The following CASTOR2 variants were observed in gnomAD, a reference collection of about 807,000 sequenced individuals.
CASTOR2 encodes cytosolic arginine sensor for mTORC1 subunit 2.
In CASTOR2, 8 loss-of-function variants were observed where a neutral mutation model predicts 31.2. The ratio of observed to expected loss-of-function variants is 0.26; its 90% CI spans 0.15 to 0.46. CASTOR2 has a LOEUF of 0.46. Ranked by LOEUF, CASTOR2 falls within the 20% of genes least tolerant of loss-of-function variation. CASTOR2 has a pLI of 0.99. For missense variants in CASTOR2, 216 were observed against 382.1 expected (o/e 0.57, Z 3.62); for synonymous variants, 162 against 158.7 (o/e 1.02, Z -0.16).
At chr7:74,978,174 G>A (rs1803869935) in intron 1 of CASTOR2, among the ~76,000 whole-genome samples, 1 of 149,250 alleles carries the variant, frequency 6.7e-6, no homozygotes, top group South Asian at 2.1e-4. Flanking sequence ...TGCGATCTTG[G>A]CTCATTGCAA....
In CASTOR2 at chr7:75,024,927, C is replaced by A; in HGVS notation, c.*228C>A. 1 of 1,027,970 alleles carries A rather than the reference C, an allele frequency of 9.7e-7. No homozygotes were observed. Among genetic ancestry groups the A allele is most frequent in the Non-Finnish European group, 1.4e-6 (1 of 708,424 alleles). The allele number at this position is 1,027,970 out of a possible 1,614,324, so 63.7% of individuals were successfully genotyped here. ...GCCCCCCGACCCTCCAGAGAACGAC[C>A]TTTCTCTTCCCTACCTCCCCCACCC... On this transcript the variant is annotated 3_prime_UTR_variant, in exon 9 of 9. Transcript: ENST00000616305.
chr7:75,021,906 C>T lies in CASTOR2; in HGVS notation c.779C>T (p.Ser260Phe). 1 of 1,551,866 alleles carries T rather than the reference C, an allele frequency of 6.4e-7. No homozygotes were observed. The highest frequency in any genetic ancestry group is 2.0e-5 in the Admixed American group (1 of 51,006). The change falls in exon 7 of 9, where the codon TCC becomes TTC. Residue 260 changes from serine to phenylalanine, a missense_variant. This residue lies in a region of CASTOR2 where 22 missense variants were observed against 66.4 expected (regional missense o/e 0.33). Coordinates refer to ENST00000616305, the MANE Select transcript of CASTOR2 (RefSeq NM_001145064.3). The part of the protein sequence containing the change: ...FPSNLLFTSA[S>F]GELWKMVRIG... ...AGTAACTTGCTGTTCACAAGCGCAT[C>T]CGGAGAGCTCTGGAAGATGGTCCGG...
chr7:75,018,660 CAG>C (rs1804922298), intron 4 of CASTOR2, among the ~76,000 whole-genome samples: 3 of 152,242 alleles, frequency 2.0e-5, no homozygotes, highest in African/African-American at 7.2e-5. Flanking sequence ...GCCCAGGTGT[CAG>C]GGTGGATTTC....
intron 4 of CASTOR2, among the ~76,000 whole-genome samples, chr7:75,018,697 A>C (rs1294138407): frequency 6.6e-6 from 1 of 152,248 alleles, no homozygotes; most frequent in African/African-American, 2.4e-5. Flanking sequence ...GTGGTGCTGA[A>C]GCCTGGAACA....
At chr7:75,022,749 A>G (rs1371367939) in intron 7 of CASTOR2, among the ~76,000 whole-genome samples, 2 of 152,184 alleles carry the variant, frequency 1.3e-5, no homozygotes, top group African/African-American at 4.8e-5. Flanking sequence ...CGATGAGCCA[A>G]GATCGCTCCA....
chr7:75,018,165 G>A, intron 4 of CASTOR2, 43 bp downstream of exon 4: 1 of 1,603,310 alleles, frequency 6.2e-7, no homozygotes, highest in Non-Finnish European at 8.5e-7. Context: ...ACCTCACGAA[G>A]TTACCAGGCC....
intron 1 of CASTOR2, among the ~76,000 whole-genome samples, chr7:74,982,101 C>A (rs1178201257): frequency 1.4e-5 from 2 of 144,454 alleles, no homozygotes; most frequent in Non-Finnish European, 3.0e-5. Flanking sequence ...AGAAGCGTAC[C>A]CCACCACACT....
chr7:74,987,905 A>C (rs1212704001), intron 1 of CASTOR2, among the ~76,000 whole-genome samples: 1 of 151,370 alleles, frequency 6.6e-6, no homozygotes, highest in Non-Finnish European at 1.5e-5. Context: ...ACAGGGTTTC[A>C]CCATGTTGGC....
intron 1 of CASTOR2, among the ~76,000 whole-genome samples, chr7:74,994,247 G>T (rs1216467707): frequency 2.0e-5 from 3 of 151,698 alleles, no homozygotes; most frequent in South Asian, 2.1e-4. Context: ...GTTGGGTGGT[G>T]GGGGGAACAA....
intron 1 of CASTOR2, among the ~76,000 whole-genome samples, chr7:75,006,024 G>T (rs1165352654): frequency 2.0e-5 from 3 of 152,206 alleles, no homozygotes; most frequent in African/African-American, 7.2e-5. Flanking sequence ...CAGCTACTGG[G>T]GAGGCTGAGG....
Position 75,024,958 on chromosome 7 carries a change from A to T in CASTOR2, c.*259A>T, listed in dbSNP as rs1012330554. ...CTTCCCTACCTCCCCCACCCCGGAAAATGCTTTCGGAGGCCCAGGGAGCTT... is the reference window on the plus strand; with the variant it reads ...CTTCCCTACCTCCCCCACCCCGGAATATGCTTTCGGAGGCCCAGGGAGCTT... On this transcript the variant is annotated 3_prime_UTR_variant, in exon 9 of 9. Coordinates refer to ENST00000616305, the MANE Select transcript of CASTOR2 (RefSeq NM_001145064.3). Among the ~76,000 whole-genome samples the T allele has an allele frequency of 2.0e-5, 3 of 152,102 alleles. No individual in the cohort carries two copies. The highest frequency in any genetic ancestry group is 4.4e-5 in the Non-Finnish European group (3 of 67,970).
chr7:75,014,682 G>T (rs1210790334), intron 2 of CASTOR2, among the ~76,000 whole-genome samples: 2 of 152,130 alleles, frequency 1.3e-5, no homozygotes, highest in African/African-American at 4.8e-5. Flanking sequence ...CAGGCTGCCT[G>T]CTCCTGGCCA....
intron 2 of CASTOR2, among the ~76,000 whole-genome samples, chr7:75,016,562 AC>A (rs1804868813): frequency 6.6e-6 from 1 of 152,134 alleles, no homozygotes; most frequent in Non-Finnish European, 1.5e-5. Flanking sequence ...CCAAAGCCCC[AC>A]CCAGCCTTTT....
At chr7:75,001,692 C>T (rs1804500721) in intron 1 of CASTOR2, among the ~76,000 whole-genome samples, 1 of 152,198 alleles carries the variant, frequency 6.6e-6, no homozygotes, top group Non-Finnish European at 1.5e-5. Context: ...GCTCAGCAAT[C>T]CTTGAGTGTT....
At chr7:74,972,347 T>G (rs1803694906) in intron 1 of CASTOR2, among the ~76,000 whole-genome samples, 1 of 149,478 alleles carries the variant, frequency 6.7e-6, no homozygotes, top group Admixed American at 6.7e-5. Flanking sequence ...CTCGAACTCC[T>G]GACCTCAGAC....
chr7:75,012,259 C>CCTA (rs1804768269), intron 2 of CASTOR2, among the ~76,000 whole-genome samples: 1 of 152,032 alleles, frequency 6.6e-6, no homozygotes, highest in Admixed American at 6.6e-5. Context: ...GACAACTGTA[C>CCTA]CCCTCATCTC....
At chr7:75,009,973 G>C (rs1365593752) in intron 2 of CASTOR2, among the ~76,000 whole-genome samples, 11 of 149,150 alleles carry the variant, frequency 7.4e-5, no homozygotes, top group Non-Finnish European at 1.2e-4. Context: ...TATGATCGTA[G>C]TGCATAGCAG....
intron 2 of CASTOR2, among the ~76,000 whole-genome samples, chr7:75,012,431 T>C (rs1205422721): frequency 1.3e-5 from 2 of 151,390 alleles, no homozygotes; most frequent in African/African-American, 4.9e-5. Flanking sequence ...GCCTCCTGAG[T>C]AGCTGGGATT....
At chr7:75,019,652 G>A (rs1404290490) in intron 5 of CASTOR2, among the ~76,000 whole-genome samples, 1 of 152,232 alleles carries the variant, frequency 6.6e-6, no homozygotes, top group Admixed American at 6.5e-5. Context: ...TTGAGGAGCT[G>A]AGAACTCAGA....
Sources: gnomAD v4.1 joint callset for allele counts (sites outside exome capture counted in the v4.1 genomes callset) on GRCh38, gnomAD v4.1.1 for gene constraint, gnomAD v4.1.1 regional missense constraint, MANE v1.5 for transcripts, NCBI Gene and HGNC (gene_info 2026-07-23, HGNC 2026-07-21) for gene names.